The following NBAS variants were observed in gnomAD, a reference collection of about 807,000 sequenced individuals.
NBAS encodes the protein NBAS subunit of NRZ tethering complex, also known as NAG/BC035112 fusion.
NBAS carries 219 observed loss-of-function variants against 302.5 expected under a neutral mutation model. The ratio of observed to expected loss-of-function variants is 0.72; its 90% CI spans 0.65 to 0.81. The LOEUF (loss-of-function observed/expected upper bound fraction) is 0.81, where lower values mean the gene tolerates loss of function less well. Ranked by LOEUF, NBAS falls within the 30% of genes least tolerant of loss-of-function variation. NBAS has a pLI of 0.00. For synonymous variants in NBAS, 1,118 were observed against 1,021.6 expected (o/e 1.09, Z -1.80); for missense variants, 2,932 against 2,841.6 (o/e 1.03, Z -0.72).
At chr2:14,983,886 G>A in the NBAS span, among the ~76,000 whole-genome samples, 1 of 152,154 alleles carries the variant, frequency 6.6e-6, no homozygotes, top group Non-Finnish European at 1.5e-5. Flanking sequence ...TGAGTTTCCA[G>A]TGCTCCTGGC....
intron 47 of NBAS, among the ~76,000 whole-genome samples, chr2:15,230,785 T>C (rs1667350429): frequency 6.6e-6 from 1 of 152,154 alleles, no homozygotes; most frequent in Admixed American, 6.5e-5. Flanking sequence ...GAGAACTCAC[T>C]GACAAGCTGG....
At chr2:15,367,734 C>T (rs866941305) in intron 31 of NBAS, among the ~76,000 whole-genome samples, 2 of 151,862 alleles carry the variant, frequency 1.3e-5, no homozygotes, top group Admixed American at 6.6e-5. Flanking sequence ...GGGCCAGGGA[C>T]GGGGGAGATA....
At chr2:15,185,653 G>A (rs762784073) in intron 50 of NBAS, among the ~76,000 whole-genome samples, 17 of 152,128 alleles carry the variant, frequency 1.1e-4, no homozygotes, top group Middle Eastern at 3.2e-3. Flanking sequence ...TTGGTCCACA[G>A]CCCAAATCAC....
At chr2:15,262,333 C>G (rs1668885826) in intron 44 of NBAS, among the ~76,000 whole-genome samples, 1 of 152,182 alleles carries the variant, frequency 6.6e-6, no homozygotes, top group Non-Finnish European at 1.5e-5. Flanking sequence ...GCTTGCACAG[C>G]CAGCCCTGAA....
chr2:15,019,440 C>A, the NBAS span, among the ~76,000 whole-genome samples: 23 of 152,030 alleles, frequency 1.5e-4, no homozygotes, highest in African/African-American at 5.6e-4. Flanking sequence ...TCCTTAGAGA[C>A]CTCTCTGTTA....
the NBAS span, among the ~76,000 whole-genome samples, chr2:14,871,397 A>T: frequency 6.6e-6 from 1 of 152,180 alleles, no homozygotes; most frequent in Middle Eastern, 3.2e-3. Context: ...ACATCTGAGA[A>T]TATCCATTGC....
At chr2:14,854,413 A>G in the NBAS span, among the ~76,000 whole-genome samples, 2 of 152,084 alleles carry the variant, frequency 1.3e-5, no homozygotes. Context: ...GTCCCCCAGC[A>G]ATGACACCAA....
the NBAS span, among the ~76,000 whole-genome samples, chr2:15,036,079 C>T: frequency 6.6e-6 from 1 of 152,146 alleles, no homozygotes; most frequent in East Asian, 1.9e-4. Flanking sequence ...AATTTATTCT[C>T]ACGCCAACAG....
Position 15,375,113 on chromosome 2 carries a change from C to T in NBAS, c.3591-393G>A, listed in dbSNP as rs540965787. ...CAGATAATTTCCAGTTTCCCTTCTA[C>T]GAAAAACAGAAATGTCTTGATTTGG... is the stretch of plus-strand genomic sequence containing the variant. On this transcript the variant is annotated intron_variant, in intron 30 of 51. Transcript: ENST00000281513. Among the ~76,000 whole-genome samples the T allele has an allele frequency of 9.9e-5, 15 of 152,204 alleles. 1 individual carries two copies. The East Asian group carries it at 2.7e-3, about 27-fold the overall frequency.
intron 33 of NBAS, 91 bp from the exon 34 acceptor site, chr2:15,353,801 T>C (rs1483989399): frequency 3.3e-6 from 5 of 1,538,456 alleles, no homozygotes; most frequent in Non-Finnish European, 2.7e-6. Context: ...GCTCAGGTCT[T>C]GTGGTACCAA....
intron 40 of NBAS, among the ~76,000 whole-genome samples, chr2:15,303,900 C>T (rs905572944): frequency 1.3e-5 from 2 of 152,194 alleles, no homozygotes; most frequent in African/African-American, 4.8e-5. Context: ...CTCTACTTTG[C>T]TGCCAGTCTA....
intron 50 of NBAS, among the ~76,000 whole-genome samples, chr2:15,185,025 C>T (rs553788730): frequency 2.6e-5 from 4 of 152,140 alleles, no homozygotes; most frequent in African/African-American, 9.7e-5. Flanking sequence ...AACATTTATA[C>T]AATTGTATGA....
At chr2:15,277,555 G>T (rs1669642284) in intron 42 of NBAS, among the ~76,000 whole-genome samples, 1 of 152,206 alleles carries the variant, frequency 6.6e-6, no homozygotes, top group African/African-American at 2.4e-5. Context: ...TAAACTTTCA[G>T]GCTTAAGATT....
the NBAS span, among the ~76,000 whole-genome samples, chr2:14,912,792 T>C: frequency 1.3e-5 from 2 of 151,980 alleles, no homozygotes; most frequent in Admixed American, 6.6e-5. Context: ...AGGGAATTTT[T>C]ACCTCAAATA....
intron 16 of NBAS, among the ~76,000 whole-genome samples, chr2:15,471,799 G>A (rs1679967651): frequency 6.6e-6 from 1 of 152,130 alleles, no homozygotes; most frequent in South Asian, 2.1e-4. Flanking sequence ...TCTGCTGTCT[G>A]CCATATAAGG....
chr2:14,870,306 G>A, the NBAS span, among the ~76,000 whole-genome samples: 1 of 152,192 alleles, frequency 6.6e-6, no homozygotes, highest in African/African-American at 2.4e-5. Context: ...AAATTCCAGA[G>A]AGCTGCAAAG....
chr2:15,118,742 G>A, the NBAS span, among the ~76,000 whole-genome samples: 16 of 152,148 alleles, frequency 1.1e-4, no homozygotes, highest in African/African-American at 3.9e-4. Flanking sequence ...GTGCAGAAAA[G>A]TGAAGAAGCT....
the NBAS span, among the ~76,000 whole-genome samples, chr2:14,805,029 C>T: frequency 6.6e-6 from 1 of 152,196 alleles, no homozygotes; most frequent in Non-Finnish European, 1.5e-5. Flanking sequence ...AAGAAACATT[C>T]ACTCCACACA....
the NBAS span, among the ~76,000 whole-genome samples, chr2:15,147,422 C>G: frequency 6.6e-6 from 1 of 151,888 alleles, no homozygotes; most frequent in African/African-American, 2.4e-5. Flanking sequence ...GGAGAAACCC[C>G]ATCTCTACTA....
Sources: allele counts gnomAD v4.1 joint callset (sites outside exome capture counted in the v4.1 genomes callset), GRCh38; gene constraint gnomAD v4.1.1; transcripts MANE v1.5; gene names NCBI Gene and HGNC (gene_info 2026-07-23, HGNC 2026-07-21).